Variants in NPAS3 observed in about 807,000 individuals in gnomAD.
NPAS3 encodes the protein neuronal PAS domain-containing protein 3.
A neutral mutation model predicts 73.1 loss-of-function variants in NPAS3; 14 were observed. The ratio of observed to expected loss-of-function variants is 0.19; its 90% CI spans 0.13 to 0.30. The LOEUF is 0.30. NPAS3 is among the 10% of genes least tolerant of loss of function. The probability of loss-of-function intolerance (pLI) is 1.00; values close to 1 mark genes in which losing one functional copy is unlikely to be tolerated. For synonymous variants in NPAS3, 620 were observed against 541.5 expected (o/e 1.14, Z -2.01); for missense variants, 1,096 against 1,250.0 (o/e 0.88, Z 1.86).
chr14:32,966,257 A>G (rs2139268919), intron 1 of NPAS3, among the ~76,000 whole-genome samples: 1 of 152,322 alleles, frequency 6.6e-6, no homozygotes, highest in East Asian at 1.9e-4. Flanking sequence ...ATCTTGAGAA[A>G]AAAGAACAAA....
At chr14:33,793,787 G>T (rs373194632) in intron 9 of NPAS3, 110 bp from the exon 10 acceptor site, 2 of 978,120 alleles carry the variant, frequency 2.0e-6, no homozygotes, top group African/African-American at 3.3e-5. Flanking sequence ...CCCTGGCTTG[G>T]TGTAGGTCCT....
intron 5 of NPAS3, among the ~76,000 whole-genome samples, chr14:33,595,349 T>C (rs746810701): frequency 1.2e-4 from 19 of 152,204 alleles, no homozygotes; most frequent in Non-Finnish European, 2.6e-4. Context: ...CTGCCAGTGT[T>C]TGAGAAAAGC....
intron 3 of NPAS3, among the ~76,000 whole-genome samples, chr14:33,321,344 G>T (rs530381202): frequency 1.3e-5 from 2 of 152,116 alleles, no homozygotes; most frequent in Admixed American, 1.3e-4. Context: ...TATGGGCTGG[G>T]AAACAATGGG....
At chr14:33,319,729 C>G (rs1296052500) in intron 3 of NPAS3, among the ~76,000 whole-genome samples, 2 of 152,100 alleles carry the variant, frequency 1.3e-5, no homozygotes, top group Non-Finnish European at 2.9e-5. Flanking sequence ...TCCTCTTTAC[C>G]TGATGCACAG....
At chr14:33,028,374 G>A (rs111350152) in intron 1 of NPAS3, among the ~76,000 whole-genome samples, 4 of 152,162 alleles carry the variant, frequency 2.6e-5, no homozygotes, top group South Asian at 2.1e-4. Flanking sequence ...TGATAGATGG[G>A]TTTTGATAAT....
At chr14:33,779,713 A>G (rs2062922932) in intron 9 of NPAS3, among the ~76,000 whole-genome samples, 1 of 152,178 alleles carries the variant, frequency 6.6e-6, no homozygotes, top group African/African-American at 2.4e-5. Flanking sequence ...ATATAGCCCA[A>G]GTGTGTAGTA....
At chr14:33,199,490 G>A (rs1440621899) in intron 2 of NPAS3, among the ~76,000 whole-genome samples, 1 of 152,166 alleles carries the variant, frequency 6.6e-6, no homozygotes, top group African/African-American at 2.4e-5. Context: ...GGCTAGACAG[G>A]CTCTTGGCTG....
At chr14:33,604,732 A>G (rs2057503611) in intron 5 of NPAS3, among the ~76,000 whole-genome samples, 1 of 152,132 alleles carries the variant, frequency 6.6e-6, no homozygotes, top group South Asian at 2.1e-4. Context: ...TGAATTTTAA[A>G]AGGTTTAAGT....
chr14:33,197,800 T>C (rs2046429062), intron 2 of NPAS3, among the ~76,000 whole-genome samples: 2 of 152,214 alleles, frequency 1.3e-5, no homozygotes, highest in Non-Finnish European at 2.9e-5. Flanking sequence ...TGTAATCTCT[T>C]ATGTGTTCTC....
intron 9 of NPAS3, among the ~76,000 whole-genome samples, chr14:33,792,619 A>G (rs1380366833): frequency 6.6e-6 from 1 of 152,024 alleles, no homozygotes; most frequent in African/African-American, 2.4e-5. Context: ...GTACTTCATG[A>G]AACTGTTGTA....
Position 33,212,156 on chromosome 14 carries a change from TA to T in NPAS3, c.141-3025del, listed in dbSNP as rs539700461. On this transcript the variant is annotated intron_variant, in intron 2 of 11. Coordinates refer to ENST00000356141, the Ensembl canonical transcript of NPAS3. ...GCGAGTGAAAGATTAATGCACAATC[TA>T]GAGTGTCATTGTCTTAAGGTCTTTG... is the stretch of plus-strand genomic sequence containing the variant. Among the ~76,000 whole-genome samples, 60 of 152,330 alleles carry T rather than the reference TA, an allele frequency of 3.9e-4. No homozygotes were observed. The South Asian group carries it at 0.012, about 31-fold the overall frequency.
intron 4 of NPAS3, among the ~76,000 whole-genome samples, chr14:33,453,252 C>G (rs17101217): frequency 0.018 from 2,727 of 152,256 alleles, 83 homozygotes; most frequent in African/African-American, 0.062. Context: ...AAATGACATT[C>G]CCTGGTGTGA....
chr14:32,976,066 T>C (rs1005646527), intron 1 of NPAS3, among the ~76,000 whole-genome samples: 14 of 152,148 alleles, frequency 9.2e-5, no homozygotes, highest in African/African-American at 3.4e-4. Flanking sequence ...TGTGTGAAAA[T>C]CCTTCAGGGA....
At chr14:33,488,061 G>A (rs913614904) in intron 4 of NPAS3, among the ~76,000 whole-genome samples, 1 of 152,136 alleles carries the variant, frequency 6.6e-6, no homozygotes, top group Admixed American at 6.5e-5. Flanking sequence ...GAGCAGGTAA[G>A]GGGCTGGGAT....
chr14:33,197,023 G>T (rs1035647691), intron 2 of NPAS3, among the ~76,000 whole-genome samples: 2 of 152,058 alleles, frequency 1.3e-5, no homozygotes, highest in Admixed American at 6.5e-5. Flanking sequence ...GTTCCAAAAA[G>T]GCTTCCAAAT....
intron 3 of NPAS3, among the ~76,000 whole-genome samples, chr14:33,302,902 C>CCT (rs969375484): frequency 6.6e-6 from 1 of 151,234 alleles, no homozygotes; most frequent in Admixed American, 6.6e-5. Flanking sequence ...TGCCTATAAG[C>CCT]CTCTCTCTCT....
chr14:33,567,593 G>A (rs1406204729), intron 5 of NPAS3, among the ~76,000 whole-genome samples: 1 of 152,222 alleles, frequency 6.6e-6, no homozygotes, highest in Non-Finnish European at 1.5e-5. Flanking sequence ...TGTGCTCAGA[G>A]TTGAAAGGTT....
intron 2 of NPAS3, among the ~76,000 whole-genome samples, chr14:33,138,209 C>G (rs2383445): frequency 1.4e-5 from 2 of 147,412 alleles, no homozygotes; most frequent in South Asian, 4.6e-4. Context: ...CCCCCCTCCC[C>G]CCACCTCACA....
At chr14:33,574,990 G>A (rs975606359) in intron 5 of NPAS3, among the ~76,000 whole-genome samples, 5 of 152,174 alleles carry the variant, frequency 3.3e-5, no homozygotes, top group Admixed American at 2.0e-4. Context: ...CAAGGATGCT[G>A]AAGTATCAGT....
Sources: gnomAD v4.1 joint callset for allele counts (sites outside exome capture counted in the v4.1 genomes callset) on GRCh38, gnomAD v4.1.1 for gene constraint, MANE v1.5 for transcripts, NCBI Gene and HGNC (gene_info 2026-07-23, HGNC 2026-07-21) for gene names.